Variants in SERPINA10 observed in about 807,000 individuals in gnomAD.
SERPINA10 encodes the protein protein Z-dependent protease inhibitor.
SERPINA10 carries 24 observed loss-of-function variants against 28.0 expected under a neutral mutation model. The ratio of observed to expected loss-of-function variants is 0.86; its 90% CI spans 0.62 to 1.20. The LOEUF (loss-of-function observed/expected upper bound fraction) is 1.20, where lower values mean the gene tolerates loss of function less well. SERPINA10 is among the 50% of genes most tolerant of loss of function. The pLI is 0.00. For synonymous variants in SERPINA10, 207 were observed against 203.9 expected, an observed-to-expected ratio of 1.02 and a Z score of -0.13; for missense variants, 521 against 537.7, an observed-to-expected ratio of 0.97 and a Z score of 0.31.
intron 1 of SERPINA10, chr14:94,292,484 C>A: frequency 3.1e-6 from 2 of 651,592 alleles, no homozygotes; most frequent in Non-Finnish European, 5.7e-6. Context: ...TCATTTAGTG[C>A]TACTTTCTAC....
intron 4 of SERPINA10, among the ~76,000 whole-genome samples, chr14:94,284,747 T>C (rs376891378): frequency 2.5e-4 from 38 of 152,282 alleles, no homozygotes; most frequent in African/African-American, 8.4e-4. Context: ...AGATGTGATA[T>C]GAGTGATGTA....
intron 2 of SERPINA10, 96 bp from the exon 3 acceptor site, chr14:94,288,655 C>T (rs1895085811): frequency 6.7e-7 from 1 of 1,493,398 alleles, no homozygotes; most frequent in Admixed American, 1.8e-5. Context: ...TATCTCACTT[C>T]TCTCACTTCT....
rs771782758 is a variant in SERPINA10 at position 94,290,474 on chromosome 14, C to T, written c.120G>A (p.Arg40=). The change falls in exon 2 of 5, where the codon AGG becomes AGA. Residue 40 remains arginine (R), a synonymous_variant. Transcript: ENST00000261994. The part of the protein sequence containing the change: ...ETPAPQNQTS[R]VVQAPKEEEE... ...CTTCCTCCTTGGGAGCCTGCACTACCCTGCTGGTCTGGTTCTGAGGGGCTG... is the reference window on the plus strand; with the variant it reads ...CTTCCTCCTTGGGAGCCTGCACTACTCTGCTGGTCTGGTTCTGAGGGGCTG... 2 of 1,613,664 alleles carry T rather than the reference C, an allele frequency of 1.2e-6. No homozygotes were observed. The highest frequency in any genetic ancestry group is 2.2e-5 in the East Asian group (1 of 44,878).
Position 94,290,640 on chromosome 14 carries a change from C to T in SERPINA10, c.-47G>A. 1.2e-6 allele frequency: 2 copies of T among 1,607,438 alleles called. No individual in the cohort carries two copies. The highest frequency in any genetic ancestry group is 8.5e-7 in the Non-Finnish European group (1 of 1,178,198). Reference sequence around the variant, plus strand: ...GGAGTGCCTCCCTTCAGCTGCAAGACTTCCTGTGGAGAGGAGAGGATAGAG... The same window carrying T: ...GGAGTGCCTCCCTTCAGCTGCAAGATTTCCTGTGGAGAGGAGAGGATAGAG... On this transcript the variant is annotated 5_prime_UTR_variant, in exon 2 of 5. Coordinates refer to ENST00000261994, the MANE Select transcript of SERPINA10 (RefSeq NM_001100607.3).
At chr14:94,288,256 G>A (rs1180149636) in intron 3 of SERPINA10, 30 bp downstream of exon 3, 4 of 1,612,430 alleles carry the variant, frequency 2.5e-6, no homozygotes, top group Non-Finnish European at 3.4e-6. Context: ...GAAAGGTAGA[G>A]TTTGTATAGG....
In SERPINA10 at chr14:94,283,794, A is replaced by G; in HGVS notation, c.*171T>C. 1.5e-6 allele frequency: 1 copy of G among 664,142 alleles called. No homozygotes were observed. Among genetic ancestry groups the G allele is most frequent in the East Asian group, 2.7e-5 (1 of 36,912 alleles). 41.1% of individuals were successfully genotyped at this position (664,142 alleles called of 1,614,324 possible). ...TCAGGCATCTGCTGGGGGTCTTTGA[A>G]TGTATCCCCCTCAGATAAGTGGGGA... On this transcript the variant is annotated 3_prime_UTR_variant, in exon 5 of 5. Coordinates refer to ENST00000261994, the MANE Select transcript of SERPINA10 (RefSeq NM_001100607.3).
rs1307488297 is a variant in SERPINA10, at chr14:94,290,515, G to A, written c.79C>T (p.Gln27Ter). ...WLVPGLAPSPQSPETPAPQNQ... is the reference protein window; with the variant it reads ...WLVPGLAPSP ...TGAGGGGCTGGGGTCTCTGGCGACT[G>A]AGGACTGGGGGCCAAGCCGGGTACC... The change falls in exon 2 of 5, where the codon CAG becomes TAG. Residue 27 changes from glutamine to a stop codon, truncating the protein, a stop_gained. Coordinates refer to ENST00000261994, the MANE Select transcript of SERPINA10 (RefSeq NM_001100607.3). LOFTEE classifies it high-confidence loss of function. 1 of 1,613,204 alleles carries A rather than the reference G, an allele frequency of 6.2e-7. No individual in the cohort carries two copies. The highest frequency in any genetic ancestry group is 8.5e-7 in the Non-Finnish European group (1 of 1,179,700).
At position 94,283,944 on chromosome 14, in the gene SERPINA10, A is replaced by G. The variant is rs371815420; in HGVS notation, c.*21T>C. On this transcript the variant is annotated 3_prime_UTR_variant, in exon 5 of 5. Transcript: ENST00000261994. ...AGATTCAGCATCTACTACAGCACGA[A>G]GTGCTTATGCGTGTCCTGAATTATA... 1 of 1,611,442 alleles carries G rather than the reference A, an allele frequency of 6.2e-7. No individual in the cohort carries two copies. Among genetic ancestry groups the G allele is most frequent in the Non-Finnish European group, 8.5e-7 (1 of 1,177,572 alleles).
intron 3 of SERPINA10, among the ~76,000 whole-genome samples, chr14:94,286,524 C>T (rs943909438): frequency 2.6e-5 from 4 of 152,174 alleles, no homozygotes; most frequent in Non-Finnish European, 1.5e-5. Context: ...GTTCATTTCC[C>T]TATATTTTAA....
Position 94,286,269 on chromosome 14 carries a change from A to G in SERPINA10, c.993-11T>C. 2 of 1,613,296 alleles carry G rather than the reference A, an allele frequency of 1.2e-6. No homozygotes were observed. Among genetic ancestry groups the G allele is most frequent in the African/African-American group, 2.7e-5 (2 of 75,044 alleles). On this transcript the variant is annotated splice_polypyrimidine_tract_variant and intron_variant, in intron 3 of 4. Transcript: ENST00000261994. ...AAAACTTCCATGTTTCTGTGGTACAAGAACAGATGATGGTGAAATGTAGAC... is the reference window on the plus strand; with the variant it reads ...AAAACTTCCATGTTTCTGTGGTACAGGAACAGATGATGGTGAAATGTAGAC...
Position 94,290,181 on chromosome 14 carries a change from G to A in SERPINA10, c.413C>T (p.Pro138Leu). 6.2e-7 allele frequency: 1 copy of A among 1,613,866 alleles called. No individual in the cohort carries two copies. The highest frequency in any genetic ancestry group is 2.2e-5 in the East Asian group (1 of 44,864). The change falls in exon 2 of 5, where the codon CCC becomes CTC. Residue 138 changes from proline (P) to leucine (L), a missense_variant. Pro to Leu is a moderately conservative substitution (Grantham distance 98). Coordinates refer to ENST00000261994, the MANE Select transcript of SERPINA10 (RefSeq NM_001100607.3). ...LHLQALKPTK[P>L]GLLPSLFKGL... is the part of the protein sequence containing the mutation. ...CTTAAAGAGGGAAGGCAGGAGCCCG[G>A]GCTTGGTGGGCTTCAGGGCCTGCAA...
chr14:94,285,499 G>C (rs55951176), intron 4 of SERPINA10, among the ~76,000 whole-genome samples: 2 of 149,558 alleles, frequency 1.3e-5, no homozygotes, highest in African/African-American at 4.9e-5. Context: ...ATATATATAT[G>C]TGTGTGTATA....
intron 3 of SERPINA10, among the ~76,000 whole-genome samples, chr14:94,286,667 C>A (rs563678735): frequency 5.8e-4 from 89 of 152,278 alleles, no homozygotes; most frequent in African/African-American, 1.9e-3. Flanking sequence ...AACTTTCAAC[C>A]CCTACCCGTC....
Position 94,288,568 on chromosome 14 carries a change from G to A in SERPINA10, c.719-9C>T, listed in dbSNP as rs376401042. On this transcript the variant is annotated splice_polypyrimidine_tract_variant and intron_variant, in intron 2 of 4. Transcript: ENST00000261994. ...TGGGGTCAACCATTTCCCTGAACAA[G>A]TAAGAGAAGAACTCATTGCAGAAAT... 60 of 1,614,054 alleles carry A rather than the reference G, an allele frequency of 3.7e-5. No homozygotes were observed. In the African/African-American group the frequency reaches 7.1e-4, roughly 19 times the overall value.
At chr14:94,289,849 T>G in intron 2 of SERPINA10, 27 bp downstream of exon 2, 1 of 1,611,220 alleles carries the variant, frequency 6.2e-7, no homozygotes, top group Non-Finnish European at 8.5e-7. Context: ...CCTGTGGCCT[T>G]GGGAGAGCAG....
chr14:94,286,761 G>C (rs1322414311), intron 3 of SERPINA10, among the ~76,000 whole-genome samples: 1 of 152,188 alleles, frequency 6.6e-6, no homozygotes, highest in Non-Finnish European at 1.5e-5. Flanking sequence ...GATGAGTTCT[G>C]TGGCTCAAAA....
intron 1 of SERPINA10, chr14:94,292,575 C>A (rs1346622585): frequency 2.9e-6 from 2 of 701,438 alleles, no homozygotes; most frequent in African/African-American, 1.8e-5. Flanking sequence ...AGCACGCCAA[C>A]TAGATGTCAC....
chr14:94,292,625 C>G (rs762280694), intron 1 of SERPINA10: 63 of 701,636 alleles, frequency 9.0e-5, no homozygotes, highest in Non-Finnish European at 1.4e-4. Flanking sequence ...GTTCTTGGAG[C>G]TTGTCCTGCA....
chr14:94,287,556 G>A (rs1021798555), intron 3 of SERPINA10, among the ~76,000 whole-genome samples: 8 of 152,244 alleles, frequency 5.3e-5, no homozygotes, highest in African/African-American at 1.7e-4. Context: ...ACCCCCTAGT[G>A]TCTTTTCTCA....
Sources: gnomAD v4.1 joint callset for allele counts (sites outside exome capture counted in the v4.1 genomes callset) on GRCh38, gnomAD v4.1.1 for gene constraint, MANE v1.5 for transcripts, NCBI Gene and HGNC (gene_info 2026-07-23, HGNC 2026-07-21) for gene names.